ZNF385B: variants seen among roughly 807,000 people sequenced by gnomAD.
ZNF385B encodes zinc finger protein 385B.
A neutral mutation model predicts 39.2 loss-of-function variants in ZNF385B; 23 were observed. The ratio of observed to expected loss-of-function variants is 0.59; its 90% confidence interval spans 0.42 to 0.83. The LOEUF (loss-of-function observed/expected upper bound fraction) is 0.83, where lower values mean the gene tolerates loss of function less well. Ranked by LOEUF, ZNF385B falls within the 40% of genes least tolerant of loss-of-function variation. The probability of loss-of-function intolerance (pLI) is 0.00; values close to 1 mark genes in which losing one functional copy is unlikely to be tolerated. For missense variants in ZNF385B, 552 were observed against 598.9 expected, an observed-to-expected ratio of 0.92 and a Z score of 0.82; for synonymous variants, 205 against 222.6, an observed-to-expected ratio of 0.92 and a Z score of 0.70.
intron 5 of ZNF385B, among the ~76,000 whole-genome samples, chr2:179,502,242 T>C (rs935229438): frequency 2.6e-5 from 4 of 152,224 alleles, no homozygotes; most frequent in Non-Finnish European, 4.4e-5. Flanking sequence ...ACTTGGACTT[T>C]TGAATTAACG....
At position 179,828,743 on chromosome 2, in the gene ZNF385B, CA is replaced by C. The variant is rs1707814877; in HGVS notation, c.-155+32357del. On this transcript the variant is annotated intron_variant, in intron 1 of 9. Coordinates refer to ENST00000410066, the MANE Select transcript of ZNF385B (RefSeq NM_152520.6). Reference sequence around the variant, plus strand: ...CAGGCCTATGTAACCAAATCACTGACAACTGTATTTCTGAAAATATTTCACA... The same window carrying C: ...CAGGCCTATGTAACCAAATCACTGACACTGTATTTCTGAAAATATTTCACA... Among the ~76,000 whole-genome samples the C allele has an allele frequency of 2.0e-5, 3 of 152,104 alleles. No homozygotes were observed. In the South Asian group the frequency reaches 6.2e-4, roughly 32 times the overall value.
intron 4 of ZNF385B, among the ~76,000 whole-genome samples, chr2:179,530,652 G>A (rs535989421): frequency 1.3e-5 from 2 of 152,264 alleles, no homozygotes; most frequent in South Asian, 4.1e-4. Flanking sequence ...AACTCCTCCA[G>A]GCAGGAAGAA....
intron 3 of ZNF385B, among the ~76,000 whole-genome samples, chr2:179,645,681 C>T (rs537344792): frequency 6.6e-6 from 1 of 152,242 alleles, no homozygotes; most frequent in East Asian, 1.9e-4. Context: ...CATCTCAGGT[C>T]CTAGCTCATG....
chr2:179,718,061 G>A (rs981421749), intron 3 of ZNF385B, among the ~76,000 whole-genome samples: 31 of 152,024 alleles, frequency 2.0e-4, no homozygotes, highest in Non-Finnish European at 3.7e-4. Flanking sequence ...GCTATGCTGA[G>A]CCAATGACAT....
chr2:179,463,051 CAATA>C (rs2051534165), intron 6 of ZNF385B, among the ~76,000 whole-genome samples: 1 of 151,798 alleles, frequency 6.6e-6, no homozygotes, highest in East Asian at 1.9e-4. Flanking sequence ...CAGAAGAGGT[CAATA>C]AATAAAACAG....
chr2:179,572,709 T>A (rs1685369088), intron 3 of ZNF385B, among the ~76,000 whole-genome samples: 1 of 152,084 alleles, frequency 6.6e-6, no homozygotes, highest in Non-Finnish European at 1.5e-5. Flanking sequence ...AAATGTCATT[T>A]CTAAGCTTTG....
chr2:179,475,244 T>C (rs2053272475), intron 6 of ZNF385B, among the ~76,000 whole-genome samples: 1 of 146,316 alleles, frequency 6.8e-6, no homozygotes, highest in Non-Finnish European at 1.5e-5. Context: ...ATTTCCATTA[T>C]CGCACAATTT....
intron 6 of ZNF385B, among the ~76,000 whole-genome samples, chr2:179,473,725 C>T (rs933232594): frequency 5.9e-5 from 9 of 152,124 alleles, no homozygotes; most frequent in South Asian, 2.1e-4. Flanking sequence ...TCCCTGTGAC[C>T]ATGTGTGTGT....
chr2:179,727,536 G>A (rs1701099622), intron 3 of ZNF385B, among the ~76,000 whole-genome samples: 1 of 152,034 alleles, frequency 6.6e-6, no homozygotes, highest in Non-Finnish European at 1.5e-5. Context: ...CAGCAACAAC[G>A]TTTGCCACCT....
At chr2:179,706,289 A>G (rs1699592470) in intron 3 of ZNF385B, among the ~76,000 whole-genome samples, 1 of 152,164 alleles carries the variant, frequency 6.6e-6, no homozygotes, top group Non-Finnish European at 1.5e-5. Context: ...ATAAACTTGC[A>G]TGTTTTTTAC....
chr2:179,669,053 G>C (rs910428936), intron 3 of ZNF385B, among the ~76,000 whole-genome samples: 5 of 152,222 alleles, frequency 3.3e-5, no homozygotes, highest in Admixed American at 2.0e-4. Context: ...ACTATGAAGA[G>C]AGCATATTTA....
rs1013324035 is a variant in ZNF385B at position 179,604,608 on chromosome 2, C to A, written c.299-59639G>T. Among the ~76,000 whole-genome samples the A allele has an allele frequency of 4.9e-4, 75 of 151,954 alleles. No individual in the cohort carries two copies. The Middle Eastern group carries it at 0.01, about 21-fold the overall frequency. ...GCAAATAATCTACAAGTAGGTCTTG[C>A]TATCCAGAGAGGTTTTTCCTAAGTA... is the stretch of plus-strand genomic sequence containing the variant. On this transcript the variant is annotated intron_variant, in intron 3 of 9. Transcript: ENST00000410066.
chr2:179,656,138 C>A (rs1693737411), intron 3 of ZNF385B, among the ~76,000 whole-genome samples: 2 of 151,996 alleles, frequency 1.3e-5, no homozygotes, highest in South Asian at 4.2e-4. Flanking sequence ...CCTTTACCTG[C>A]TAAATCTAGA....
intron 4 of ZNF385B, among the ~76,000 whole-genome samples, chr2:179,528,231 A>T (rs2059038239): frequency 6.6e-6 from 1 of 152,196 alleles, no homozygotes; most frequent in Non-Finnish European, 1.5e-5. Context: ...GATTTTTTCA[A>T]CTACCAAGTA....
chr2:179,784,792 G>A (rs1704888451), intron 1 of ZNF385B, among the ~76,000 whole-genome samples: 1 of 152,070 alleles, frequency 6.6e-6, no homozygotes, highest in Non-Finnish European at 1.5e-5. Flanking sequence ...CAGAAAATAT[G>A]TGTTTCATGA....
chr2:179,523,390 T>C (rs1188172787), intron 4 of ZNF385B, among the ~76,000 whole-genome samples: 1 of 143,770 alleles, frequency 7.0e-6, no homozygotes, highest in Non-Finnish European at 1.5e-5. Flanking sequence ...TTTCTCTGGG[T>C]AAACCAAAAA....
At chr2:179,471,445 A>G (rs184988048) in intron 6 of ZNF385B, among the ~76,000 whole-genome samples, 38 of 152,320 alleles carry the variant, frequency 2.5e-4, no homozygotes, top group Non-Finnish European at 2.9e-4. Context: ...GATGGCTAAA[A>G]ACACATTTTT....
intron 1 of ZNF385B, among the ~76,000 whole-genome samples, chr2:179,784,521 G>A (rs1165990643): frequency 6.6e-6 from 1 of 151,924 alleles, no homozygotes; most frequent in Non-Finnish European, 1.5e-5. Context: ...ACACCATTCA[G>A]ATATTTAAGA....
At chr2:179,792,307 A>T (rs1373641399) in intron 1 of ZNF385B, among the ~76,000 whole-genome samples, 1 of 150,932 alleles carries the variant, frequency 6.6e-6, no homozygotes, top group African/African-American at 2.4e-5. Flanking sequence ...TTTCTGAGTG[A>T]TTGATACCAC....
Sources: allele counts gnomAD v4.1 joint callset (sites outside exome capture counted in the v4.1 genomes callset), GRCh38; gene constraint gnomAD v4.1.1; transcripts MANE v1.5; gene names NCBI Gene and HGNC (gene_info 2026-07-23, HGNC 2026-07-21).